The following DENND3 variants were observed in gnomAD, a reference collection of about 807,000 sequenced individuals.
DENND3 encodes the protein DENN domain containing 3.
Under a neutral mutation model 135.1 loss-of-function variants are expected in DENND3, and 88 were observed. The observed-to-expected ratio is 0.65, with a 90% CI of 0.55 to 0.78. The LOEUF (loss-of-function observed/expected upper bound fraction) is 0.78, where lower values mean the gene tolerates loss of function less well. Ranked by LOEUF, DENND3 falls within the 30% of genes least tolerant of loss-of-function variation. The pLI is 0.00. For missense variants in DENND3, 1,392 were observed against 1,688.4 expected (o/e 0.82, Z 3.08); for synonymous variants, 693 against 712.3 (o/e 0.97, Z 0.43).
intron 8 of DENND3, chr8:141,157,533 CG>C (rs1819596274): frequency 2.0e-6 from 2 of 985,852 alleles, no homozygotes; most frequent in Non-Finnish European, 2.4e-6. Context: ...TGCAAACAGC[CG>C]GGCTGTACTT....
At chr8:141,176,208 G>C (rs1431445240) in intron 14 of DENND3, 1 of 176,944 alleles carries the variant, frequency 5.7e-6, no homozygotes, top group African/African-American at 2.5e-5. Context: ...TGCTTTTCCA[G>C]ACTTCCTTCT....
chr8:141,183,031 C>T (rs1405265498), intron 17 of DENND3, among the ~76,000 whole-genome samples: 1 of 152,198 alleles, frequency 6.6e-6, no homozygotes, highest in Non-Finnish European at 1.5e-5. Flanking sequence ...AAGGTGAAAC[C>T]TCGCCCCTTC....
At position 141,151,775 on chromosome 8, in the gene DENND3, G is replaced by A. The variant is rs765959967; in HGVS notation, c.1012G>A (p.Val338Ile). 8.1e-6 allele frequency: 13 copies of A among 1,614,088 alleles called. No individual in the cohort carries two copies. The highest frequency in any genetic ancestry group is 4.4e-5 in the South Asian group (4 of 91,090). ...CCTGTCGGACCAGATGCTGGATTTCGTCATGGCCCCCACGTCCTTCCTGAT... is the reference window on the plus strand; with the variant it reads ...CCTGTCGGACCAGATGCTGGATTTCATCATGGCCCCCACGTCCTTCCTGAT... ...PILSDQMLDF[V>I]MAPTSFLMGC... The change falls in exon 7 of 23, where the codon GTC (valine) becomes ATC (isoleucine). Residue 338 changes from valine to isoleucine, a missense_variant. Val to Ile is a conservative substitution (Grantham distance 29, BLOSUM62 3). Coordinates refer to ENST00000519811, the MANE Select transcript of DENND3 (RefSeq NM_001352890.3).
At position 141,168,561 on chromosome 8, in the gene DENND3, A is replaced by G; in HGVS notation, c.2275+36A>G. The G allele has an allele frequency of 6.4e-7, 1 of 1,568,630 alleles. No individual in the cohort carries two copies. The highest frequency in any genetic ancestry group is 8.7e-7 in the Non-Finnish European group (1 of 1,154,768). ...GCCTGGCACCATCACAGATTTTATT[A>G]TTTAGAGACAGGGTCTGGCTCTGTC... On this transcript the variant is annotated intron_variant, in intron 13 of 22. Transcript: ENST00000519811. This position sits in a 1 kb window ranked among gnomAD's most constrained non-coding sequence, Gnocchi z 6.2.
In DENND3 at chr8:141,176,771, G is replaced by A. The variant is rs774612739; in HGVS notation, c.2706+10G>A. 8 of 1,611,190 alleles carry A rather than the reference G, an allele frequency of 5.0e-6. No individual in the cohort carries two copies. Among genetic ancestry groups the A allele is most frequent in the East Asian group, 2.2e-5 (1 of 44,814 alleles). On this transcript the variant is annotated intron_variant, in intron 15 of 22. Coordinates refer to ENST00000519811, the MANE Select transcript of DENND3 (RefSeq NM_001352890.3). Reference sequence around the variant, plus strand: ...GGCCGATGACCACAAGGTGGGAGACGCGGGTCCCCTCTGCCCTTTGCTGTG... The same window carrying A: ...GGCCGATGACCACAAGGTGGGAGACACGGGTCCCCTCTGCCCTTTGCTGTG...
intron 1 of DENND3, chr8:141,129,654 C>A (rs1374791579): frequency 6.6e-6 from 1 of 152,264 alleles, no homozygotes; most frequent in Non-Finnish European, 1.5e-5. Context: ...ATCCCGGCGT[C>A]ACTGGCCAGC....
chr8:141,130,005 G>A lies in DENND3; in HGVS notation c.102+1196G>A, dbSNP rs192803237. 3.7e-4 allele frequency: 57 copies of A among 152,310 alleles called. No homozygotes were observed. The highest frequency in any genetic ancestry group is 3.1e-3 in the Admixed American group (48 of 15,296). 9.4% of individuals were successfully genotyped at this position (152,310 alleles called of 1,614,324 possible). ...ACCTCTGTCTCCTCGCAACGTCATC[G>A]ATTGATTTGTCTCCCTACCTCGAAT... On this transcript the variant is annotated intron_variant, in intron 1 of 22. Transcript: ENST00000519811. The surrounding 1 kb of genome is among the most constrained non-coding windows in gnomAD (Gnocchi z 4.2).
chr8:141,168,541 G>A lies in DENND3; in HGVS notation c.2275+16G>A. ...TTGACTGTAGGTAAGAGGAGGCCTGGCACCATCACAGATTTTATTATTTAG... is the reference window on the plus strand; with the variant it reads ...TTGACTGTAGGTAAGAGGAGGCCTGACACCATCACAGATTTTATTATTTAG... On this transcript the variant is annotated intron_variant, in intron 13 of 22. Transcript: ENST00000519811. The surrounding 1 kb of genome is among the most constrained non-coding windows in gnomAD (Gnocchi z 6.2). 6.3e-7 allele frequency: 1 copy of A among 1,588,516 alleles called. No individual in the cohort carries two copies. The highest frequency in any genetic ancestry group is 8.6e-7 in the Non-Finnish European group (1 of 1,164,616).
At position 141,150,830 on chromosome 8, in the gene DENND3, G is replaced by A. The variant is rs200691536; in HGVS notation, c.736-4G>A. ...GAACTAATGACGGGAACTGGTTGTCGTAGGTATTTAACATGAAGTCGCTCC... is the reference window on the plus strand; with the variant it reads ...GAACTAATGACGGGAACTGGTTGTCATAGGTATTTAACATGAAGTCGCTCC... On this transcript the variant is annotated splice_polypyrimidine_tract_variant and splice_region_variant and intron_variant, in intron 5 of 22. Transcript: ENST00000519811. The A allele has an allele frequency of 3.9e-5, 62 of 1,592,842 alleles. No individual in the cohort carries two copies. In the Admixed American group the frequency reaches 7.1e-4, roughly 18 times the overall value.
At position 141,154,378 on chromosome 8, in the gene DENND3, C is replaced by T. The variant is rs1023885258; in HGVS notation, c.1075-1471C>T. Among the ~76,000 whole-genome samples the T allele has an allele frequency of 6.6e-6, 1 of 152,162 alleles. No homozygotes were observed. On this transcript the variant is annotated intron_variant, in intron 7 of 22. Coordinates refer to ENST00000519811, the MANE Select transcript of DENND3 (RefSeq NM_001352890.3). This position sits in a 1 kb window ranked among gnomAD's most constrained non-coding sequence, Gnocchi z 4.4. ...CTCTTAGCCCAGGCCCCTGCCCATGCTCTGGTGCTTGGAGGGGCGGAGCTG... is the reference window on the plus strand; with the variant it reads ...CTCTTAGCCCAGGCCCCTGCCCATGTTCTGGTGCTTGGAGGGGCGGAGCTG...
At chr8:141,151,530 C>T in intron 6 of DENND3, 89 bp from the exon 7 acceptor site, 2 of 1,291,564 alleles carry the variant, frequency 1.5e-6, no homozygotes, top group South Asian at 2.6e-5. Flanking sequence ...CACTGCACTC[C>T]AGCCTGGGCT....
chr8:141,182,443 G>A lies in DENND3; in HGVS notation c.2944+1589G>A, dbSNP rs307740. The A allele has an allele frequency of 0.56, 551,166 of 984,748 alleles. 157,070 individuals carry two copies. The highest frequency in any genetic ancestry group is 0.86 in the African/African-American group (49,036 of 57,320). The allele number at this position is 984,748 out of a possible 1,614,324, so 61.0% of individuals were successfully genotyped here. A position where few individuals can be genotyped will look rare whatever the true frequency, so the allele number is the denominator to read the frequency against. ...GCTCTGTGCTGACTTCGCCAGAGAT[G>A]ACTCCACAGACCAAGATACTTTGAC... is the stretch of plus-strand genomic sequence containing the variant. On this transcript the variant is annotated intron_variant, in intron 17 of 22. Transcript: ENST00000519811. The surrounding 1 kb of genome is among the most constrained non-coding windows in gnomAD (Gnocchi z 5.9).
intron 8 of DENND3, among the ~76,000 whole-genome samples, chr8:141,157,073 T>G (rs1819532971): frequency 1.3e-5 from 2 of 152,188 alleles, no homozygotes; most frequent in Non-Finnish European, 2.9e-5. Flanking sequence ...TGAACCACTG[T>G]GCCCGGCCTG....
In DENND3 at chr8:141,141,090, G is replaced by T; in HGVS notation, c.502-113G>T. 3 of 1,532,030 alleles carry T rather than the reference G, an allele frequency of 2.0e-6. No homozygotes were observed. Among genetic ancestry groups the T allele is most frequent in the Non-Finnish European group, 1.8e-6 (2 of 1,121,058 alleles). 94.9% of individuals were successfully genotyped at this position (1,532,030 alleles called of 1,614,324 possible). On this transcript the variant is annotated intron_variant, in intron 3 of 22. Coordinates refer to ENST00000519811, the MANE Select transcript of DENND3 (RefSeq NM_001352890.3). The surrounding 1 kb of genome is among the most constrained non-coding windows in gnomAD (Gnocchi z 5.3). The stretch of plus-strand genomic sequence containing the variant: ...GTGCTGGCTTGGACGCGTTGCAGGG[G>T]TGGGGATGGTGGACTCTCAGCTTGC...
At chr8:141,181,683 G>T (rs1378506922) in intron 17 of DENND3, among the ~76,000 whole-genome samples, 1 of 152,244 alleles carries the variant, frequency 6.6e-6, no homozygotes, top group African/African-American at 2.4e-5. Context: ...TTGGCTTATG[G>T]ACAGTGCAGC....
Position 141,176,958 on chromosome 8 carries a change from G to A in DENND3, c.2706+197G>A, listed in dbSNP as rs1197230966. The A allele has an allele frequency of 9.7e-6, 6 of 616,766 alleles. No individual in the cohort carries two copies. The East Asian group carries it at 1.4e-4, about 15-fold the overall frequency. The allele number at this position is 616,766 out of a possible 1,614,324, so 38.2% of individuals were successfully genotyped here. On this transcript the variant is annotated intron_variant, in intron 15 of 22. Transcript: ENST00000519811. Reference sequence around the variant, plus strand: ...TGTGTGACCCAGCGAGAGGCCTCACGGTGCTACGGAAGAGCATGATGAGAA... The same window carrying A: ...TGTGTGACCCAGCGAGAGGCCTCACAGTGCTACGGAAGAGCATGATGAGAA...
intron 9 of DENND3, 60 bp downstream of exon 9, chr8:141,160,847 T>C (rs1487817636): frequency 1.1e-5 from 17 of 1,559,100 alleles, no homozygotes; most frequent in Non-Finnish European, 1.4e-5. Flanking sequence ...ATCCATTCTA[T>C]GGGGATCGTG....
At chr8:141,143,831 C>T (rs1411466899) in intron 4 of DENND3, 1 of 247,248 alleles carries the variant, frequency 4.0e-6, no homozygotes, top group Non-Finnish European at 7.7e-6. Context: ...AACACACGTA[C>T]AGACAAACGC....
intron 10 of DENND3, among the ~76,000 whole-genome samples, chr8:141,164,020 G>A (rs1820461286): frequency 6.6e-6 from 1 of 151,918 alleles, no homozygotes; most frequent in African/African-American, 2.4e-5. Context: ...CCTCAACCTG[G>A]ACATAGAACA....
Sources: allele counts gnomAD v4.1 joint callset (sites outside exome capture counted in the v4.1 genomes callset), GRCh38; gene constraint gnomAD v4.1.1; non-coding constraint Gnocchi (gnomAD v3.1); transcripts MANE v1.5; gene names NCBI Gene and HGNC (gene_info 2026-07-23, HGNC 2026-07-21).